Variants in AZIN1 observed in about 807,000 individuals in gnomAD.
AZIN1 encodes the protein ornithine decarboxylase antizyme inhibitor.
Under a neutral mutation model 47.4 loss-of-function variants are expected in AZIN1, and 12 were observed. The observed-to-expected ratio is 0.25, with a 90% CI of 0.16 to 0.41. The LOEUF (loss-of-function observed/expected upper bound fraction) is 0.41, where lower values mean the gene tolerates loss of function less well. AZIN1 is among the 10% of genes least tolerant of loss of function. The pLI, the probability that AZIN1 is intolerant of heterozygous loss-of-function variation, is 1.00. For synonymous variants in AZIN1, 155 were observed against 176.3 expected (o/e 0.88, Z 0.96); for missense variants, 410 against 532.4 (o/e 0.77, Z 2.26).
In AZIN1 at chr8:102,839,629, T is replaced by TAAAAAAAAA. The variant is rs752318571; in HGVS notation, c.276+20_276+21insTTTTTTTTT. On this transcript the variant is annotated intron_variant, in intron 4 of 11. Coordinates refer to ENST00000337198, the MANE Select transcript of AZIN1 (RefSeq NM_148174.4). Reference sequence around the variant, plus strand: ...AAATTATTCAATGTTTCAGTTTAGTTAAAAAATGAAAAATACTTACTTTAC... The same window carrying TAAAAAAAAA: ...AAATTATTCAATGTTTCAGTTTAGTTAAAAAAAAAAAAAAATGAAAAATACTTACTTTAC... The TAAAAAAAAA allele has an allele frequency of 6.0e-6, 9 of 1,500,978 alleles. No individual in the cohort carries two copies. The Admixed American group carries it at 2.0e-4, about 33-fold the overall frequency. 93.0% of individuals were successfully genotyped at this position (1,500,978 alleles called of 1,614,324 possible). A position where few individuals can be genotyped will look rare whatever the true frequency, so the allele number is the denominator to read the frequency against.
intron 7 of AZIN1, 35 bp downstream of exon 7, chr8:102,834,630 AT>A (rs1374956615): frequency 6.7e-7 from 1 of 1,499,718 alleles, no homozygotes; most frequent in East Asian, 2.3e-5. Context: ...CCTGGCTAAA[AT>A]AAAATATCAA....
At chr8:102,849,208 A>G (rs2679751) in intron 2 of AZIN1, among the ~76,000 whole-genome samples, 57,089 of 151,912 alleles carry the variant, frequency 0.38, 11,678 homozygotes, top group South Asian at 0.46. Context: ...CAGGAGAATC[A>G]CTTGAACCCA....
intron 1 of AZIN1, among the ~76,000 whole-genome samples, chr8:102,861,663 C>G (rs753163782): frequency 6.6e-6 from 1 of 152,006 alleles, no homozygotes; most frequent in Non-Finnish European, 1.5e-5. Flanking sequence ...TAAAAGAAGC[C>G]TTTTATACCA....
chr8:102,843,046 A>G (rs1812319898), intron 3 of AZIN1, among the ~76,000 whole-genome samples: 1 of 151,920 alleles, frequency 6.6e-6, no homozygotes, highest in Non-Finnish European at 1.5e-5. Context: ...CGTCTCTACT[A>G]AAATACAAAA....
At chr8:102,861,480 C>G (rs1371208173) in intron 1 of AZIN1, among the ~76,000 whole-genome samples, 1 of 151,792 alleles carries the variant, frequency 6.6e-6, no homozygotes, top group Admixed American at 6.6e-5. Context: ...CCTCAGCCTC[C>G]CAAAGTGCTG....
intron 3 of AZIN1, among the ~76,000 whole-genome samples, chr8:102,842,530 A>C (rs1812268838): frequency 6.6e-6 from 1 of 151,900 alleles, no homozygotes; most frequent in East Asian, 2.0e-4. Context: ...ACATGGTGAA[A>C]CCCCACCTCT....
chr8:102,850,656 C>CAAT (rs1812861821), intron 2 of AZIN1, among the ~76,000 whole-genome samples: 2 of 152,186 alleles, frequency 1.3e-5, no homozygotes, highest in South Asian at 4.2e-4. Context: ...AAGTGATAGA[C>CAAT]AATAACAACA....
chr8:102,864,102 A>G lies in AZIN1; in HGVS notation c.-529T>C, dbSNP rs1050389310. On this transcript the variant is annotated 5_prime_UTR_variant, in exon 1 of 12. Transcript: ENST00000337198. Reference sequence around the variant, plus strand: ...AGAGCGAGAAAGGATGAGAAGAGGCAGAGAAGGCGACGGCAGAAGAAAAAA... The same window carrying G: ...AGAGCGAGAAAGGATGAGAAGAGGCGGAGAAGGCGACGGCAGAAGAAAAAA... 1.7e-5 allele frequency: 3 copies of G among 173,972 alleles called. No individual in the cohort carries two copies. Among genetic ancestry groups the G allele is most frequent in the African/African-American group, 4.8e-5 (2 of 41,574 alleles). The allele number at this position is 173,972 out of a possible 1,614,324, so 10.8% of individuals were successfully genotyped here.
intron 8 of AZIN1, among the ~76,000 whole-genome samples, chr8:102,833,707 G>A (rs1811622407): frequency 6.6e-6 from 1 of 150,986 alleles, no homozygotes; most frequent in Non-Finnish European, 1.5e-5. Flanking sequence ...AGGATCATTT[G>A]AGGCCAGGAG....
intron 3 of AZIN1, 62 bp from the exon 4 acceptor site, chr8:102,839,885 A>C: frequency 7.7e-7 from 1 of 1,292,924 alleles, no homozygotes; most frequent in Admixed American, 2.3e-5. Context: ...TCAAGTATCA[A>C]AACAGGAAAG....
intron 1 of AZIN1, among the ~76,000 whole-genome samples, chr8:102,863,181 A>G (rs1021667014): frequency 2.0e-5 from 3 of 152,026 alleles, no homozygotes; most frequent in African/African-American, 7.2e-5. Context: ...GCCAGGCCCC[A>G]AGTGGCGTCA....
chr8:102,830,658 A>G (rs944643126), intron 9 of AZIN1, among the ~76,000 whole-genome samples: 3 of 121,954 alleles, frequency 2.5e-5, no homozygotes, highest in African/African-American at 8.3e-5. Flanking sequence ...AACAAAAAAA[A>G]AAAAGAAAAG....
At chr8:102,846,804 C>G (rs140843092) in intron 2 of AZIN1, among the ~76,000 whole-genome samples, 62 of 152,286 alleles carry the variant, frequency 4.1e-4, no homozygotes, top group African/African-American at 1.4e-3. Flanking sequence ...CGCCTACTCA[C>G]AGCCTTTCTT....
At chr8:102,832,808 G>A (rs987878456) in intron 9 of AZIN1, among the ~76,000 whole-genome samples, 6 of 151,870 alleles carry the variant, frequency 4.0e-5, no homozygotes, top group Non-Finnish European at 8.8e-5. Context: ...GACCAGCTAA[G>A]TTTTATATTT....
chr8:102,838,668 T>C (rs62522602), intron 5 of AZIN1, 76 bp downstream of exon 5: 152,660 of 1,266,210 alleles, frequency 0.12, 10,385 homozygotes, highest in Admixed American at 0.25. Flanking sequence ...CAAATGCTCC[T>C]TTCTTCCCAG....
rs796687242 is a variant in AZIN1 at position 102,826,979 on chromosome 8, T to C, written c.*1588A>G. 2.0e-5 allele frequency: 3 copies of C among 152,654 alleles called. No homozygotes were observed. The highest frequency in any genetic ancestry group is 7.2e-5 in the African/African-American group (3 of 41,558). The allele number at this position is 152,654 out of a possible 1,614,324, so 9.5% of individuals were successfully genotyped here. ...GAGATTTAAATGGGCATTAATCAAA[T>C]CAAAAAATATTAAGCACCTACTGGT... On this transcript the variant is annotated 3_prime_UTR_variant, in exon 12 of 12. Coordinates refer to ENST00000337198, the MANE Select transcript of AZIN1 (RefSeq NM_148174.4).
At chr8:102,842,706 C>CA (rs10713234) in intron 3 of AZIN1, among the ~76,000 whole-genome samples, 76 of 133,648 alleles carry the variant, frequency 5.7e-4, no homozygotes, top group African/African-American at 5.8e-4. Flanking sequence ...GACTCCATCT[C>CA]AAAAAAAAAA....
chr8:102,836,433 A>G (rs758327777), intron 5 of AZIN1, 43 bp from the exon 6 acceptor site: 2 of 1,595,626 alleles, frequency 1.3e-6, no homozygotes, highest in Non-Finnish European at 1.7e-6. Flanking sequence ...GGTTTACATC[A>G]TCATCAGCAC....
chr8:102,862,735 G>C (rs1392971733), intron 1 of AZIN1, among the ~76,000 whole-genome samples: 3 of 152,110 alleles, frequency 2.0e-5, no homozygotes, highest in Non-Finnish European at 4.4e-5. Context: ...GGGAATTCAC[G>C]ATAGAAACAC....
Sources: allele counts gnomAD v4.1 joint callset (sites outside exome capture counted in the v4.1 genomes callset), GRCh38; gene constraint gnomAD v4.1.1; transcripts MANE v1.5; gene names NCBI Gene and HGNC (gene_info 2026-07-23, HGNC 2026-07-21).